Variants in TRIOBP observed in about 807,000 individuals in gnomAD.
The protein encoded by TRIOBP is TRIO and F-actin-binding protein.
TRIOBP carries 169 observed loss-of-function variants against 238.8 expected under a neutral mutation model. The observed-to-expected ratio is 0.71, with a 90% CI of 0.62 to 0.80. The LOEUF (loss-of-function observed/expected upper bound fraction) is 0.80. Ranked by LOEUF, TRIOBP falls within the 30% of genes least tolerant of loss-of-function variation. The pLI is 0.00. For missense variants in TRIOBP, 2,838 were observed against 3,122.6 expected (o/e 0.91, Z 2.17); for synonymous variants, 1,150 against 1,274.4 (o/e 0.90, Z 2.08).
chr22:37,746,017 TC>T (rs1444337955), intron 11 of TRIOBP, among the ~76,000 whole-genome samples: 2 of 78,180 alleles, frequency 2.6e-5, no homozygotes, highest in Middle Eastern at 5.6e-3. Flanking sequence ...GCCACCGCCC[TC>T]CCTTCCCTGC....
Position 37,724,986 on chromosome 22 carries a change from C to T in TRIOBP, c.2430C>T (p.Thr810=). Reference sequence around the variant, plus strand: ...GAGCCTCCTCTCCCATCAGAGCCACCCAACAGGACAACCCCAGAACTTGTA... The same window carrying T: ...GAGCCTCCTCTCCCATCAGAGCCACTCAACAGGACAACCCCAGAACTTGTA... ...NLRASSPIRA[T]QQDNPRTCIQ... The change falls in exon 7 of 24, where the codon ACC becomes ACT. Residue 810 remains threonine, a synonymous_variant. Coordinates refer to ENST00000644935, the MANE Select transcript of TRIOBP (RefSeq NM_001039141.3). 6.2e-7 allele frequency: 1 copy of T among 1,613,942 alleles called. No individual in the cohort carries two copies. The highest frequency in any genetic ancestry group is 8.5e-7 in the Non-Finnish European group (1 of 1,179,880).
intron 8 of TRIOBP, among the ~76,000 whole-genome samples, 197 bp downstream of exon 8, chr22:37,733,609 T>C (rs1924527596): frequency 6.6e-6 from 1 of 151,054 alleles, no homozygotes; most frequent in South Asian, 2.1e-4. Context: ...CCCACATTAA[T>C]CCTTTGAAGA....
chr22:37,746,499 C>A (rs956707908), intron 11 of TRIOBP: 1 of 1,213,942 alleles, frequency 8.2e-7, no homozygotes. Context: ...CCTCTCCCCT[C>A]CGGGGCAGCC....
At chr22:37,741,229 C>T (rs1010117997) in intron 11 of TRIOBP, among the ~76,000 whole-genome samples, 197 bp downstream of exon 11, 4 of 152,084 alleles carry the variant, frequency 2.6e-5, no homozygotes, top group African/African-American at 7.3e-5. Flanking sequence ...TTCCCACTTC[C>T]GGGGCAGGCT....
intron 10 of TRIOBP, among the ~76,000 whole-genome samples, chr22:37,739,417 C>T (rs974999143): frequency 8.5e-6 from 1 of 116,962 alleles, no homozygotes; most frequent in South Asian, 3.2e-4. Flanking sequence ...TGGCAGGGAG[C>T]GTCCATTGGG....
intron 11 of TRIOBP, among the ~76,000 whole-genome samples, chr22:37,746,623 C>T (rs1379611771): frequency 6.6e-6 from 1 of 152,252 alleles, no homozygotes; most frequent in African/African-American, 2.4e-5. Flanking sequence ...CTCGCCTTCC[C>T]TCGCCCACTC....
At chr22:37,735,801 G>A (rs743833) in intron 9 of TRIOBP, among the ~76,000 whole-genome samples, 63 of 152,344 alleles carry the variant, frequency 4.1e-4, no homozygotes, top group African/African-American at 1.5e-3. Context: ...GGTCTGCTCA[G>A]TGCAGACCAC....
At position 37,757,963 on chromosome 22, in the gene TRIOBP, C is replaced by T. The variant is rs1176172809; in HGVS notation, c.6038C>T (p.Pro2013Leu). The stretch of plus-strand genomic sequence containing the variant: ...GGGCCGCGCCGGGGCCTGGGTGCCC[C>T]CCTGACTGAGGACCAGCAAAACCGG... ...GEGPRRGLGA[P>L]LTEDQQNRLS... The change falls in exon 16 of 24, where the codon CCC becomes CTC. Residue 2013 changes from proline (P) to leucine (L), a missense_variant. Physicochemically the swap from Pro to Leu is moderately conservative, Grantham distance 98. Around this residue, in one of 5 missense-constraint regions of TRIOBP, gnomAD observed 2,096 missense variants for 2,137.4 expected, o/e 0.98. Coordinates refer to ENST00000644935, the MANE Select transcript of TRIOBP (RefSeq NM_001039141.3). The T allele has an allele frequency of 2.5e-6, 4 of 1,572,002 alleles. No individual in the cohort carries two copies. The highest frequency in any genetic ancestry group is 3.4e-6 in the Non-Finnish European group (4 of 1,159,492).
rs185771392 is a variant in TRIOBP at position 37,717,321 on chromosome 22, T to C, written c.628+1387T>C. Among the ~76,000 whole-genome samples, 33 of 152,280 alleles carry C rather than the reference T, an allele frequency of 2.2e-4. No homozygotes were observed. The South Asian group carries it at 2.3e-3, about 11-fold the overall frequency. On this transcript the variant is annotated intron_variant, in intron 6 of 23. Coordinates refer to ENST00000644935, the MANE Select transcript of TRIOBP (RefSeq NM_001039141.3). ...CCCAAAGAGTGAGCAGCAGCAAGAT[T>C]TATTGCAAAGAGCGAAAGAACAAAG...
chr22:37,757,951 G>A lies in TRIOBP; in HGVS notation c.6026G>A (p.Gly2009Asp), dbSNP rs1255182767. The A allele has an allele frequency of 7.0e-6, 11 of 1,565,136 alleles. No individual in the cohort carries two copies. The Middle Eastern group carries it at 6.8e-4, about 97-fold the overall frequency. Residue 2009 changes from glycine (G) to aspartate (D), a missense_variant, in exon 16 of 24, where the codon GGC becomes GAC. By Grantham distance (94) the Gly-to-Asp change is moderately conservative (BLOSUM62 -1). This residue lies in a region of TRIOBP where 2,096 missense variants were observed against 2,137.4 expected (regional missense o/e 0.98). Coordinates refer to ENST00000644935, the MANE Select transcript of TRIOBP (RefSeq NM_001039141.3). ...EVPAGEGPRR[G>D]LGAPLTEDQQ... ...CCTGCTGGTGAGGGGCCGCGCCGGG[G>A]CCTGGGTGCCCCCCTGACTGAGGAC...
chr22:37,712,122 G>A (rs1467534799), intron 4 of TRIOBP, among the ~76,000 whole-genome samples: 1 of 151,786 alleles, frequency 6.6e-6, no homozygotes, highest in African/African-American at 2.4e-5. Flanking sequence ...TTCCTATCTC[G>A]GTGACCTTGG....
intron 18 of TRIOBP, 145 bp downstream of exon 18, chr22:37,765,962 A>G: frequency 8.5e-7 from 1 of 1,179,798 alleles, no homozygotes; most frequent in Non-Finnish European, 1.2e-6. Flanking sequence ...AGGTGTTAGA[A>G]GCTCCAAGAA....
At chr22:37,719,549 G>A (rs739140) in intron 6 of TRIOBP, among the ~76,000 whole-genome samples, 122,196 of 152,048 alleles carry the variant, frequency 0.8, 51,404 homozygotes, top group East Asian at 1. Flanking sequence ...TTTACTTACT[G>A]CCCACAAGTC....
chr22:37,745,031 A>G (rs1356010429), intron 11 of TRIOBP, among the ~76,000 whole-genome samples: 1 of 151,754 alleles, frequency 6.6e-6, no homozygotes, highest in African/African-American at 2.4e-5. Flanking sequence ...CGCCCGGCTA[A>G]TTTTTGTATT....
rs139889819 is a variant in TRIOBP, at chr22:37,724,948, C to T, written c.2392C>T (p.Arg798Trp). ...CAACCCCAGAACATCCTGTGCCCAG[C>T]GGGACAATCTCAGAGCCTCCTCTCC... Reference protein sequence around the residue: ...RDNPRTSCAQRDNLRASSPIR... With the variant: ...RDNPRTSCAQWDNLRASSPIR... Residue 798 changes from arginine (R) to tryptophan (W), a missense_variant, in exon 7 of 24, where the codon CGG becomes TGG. Arg to Trp is a moderately radical substitution (Grantham distance 101). Coordinates refer to ENST00000644935, the MANE Select transcript of TRIOBP (RefSeq NM_001039141.3). 2,770 of 1,614,014 alleles carry T rather than the reference C, an allele frequency of 1.7e-3. 38 individuals are homozygous for T. In the African/African-American group the frequency reaches 0.033, roughly 19 times the overall value.
intron 11 of TRIOBP, among the ~76,000 whole-genome samples, chr22:37,742,983 C>T (rs1309802120): frequency 6.6e-6 from 1 of 152,180 alleles, no homozygotes; most frequent in Non-Finnish European, 1.5e-5. Context: ...GAGATTCAGA[C>T]CCTGCTCTGG....
chr22:37,755,807 G>C (rs1243808699), intron 15 of TRIOBP, 148 bp downstream of exon 15: 4 of 726,456 alleles, frequency 5.5e-6, no homozygotes, highest in African/African-American at 3.5e-5. Flanking sequence ...AGCATTCTCG[G>C]TATCATCCAG....
chr22:37,755,767 C>G, intron 15 of TRIOBP, 108 bp downstream of exon 15: 1 of 878,916 alleles, frequency 1.1e-6, no homozygotes, highest in Non-Finnish European at 1.9e-6. Context: ...GCCCTCGTTT[C>G]TCTGTCAACA....
rs200050890 is a variant in TRIOBP, at chr22:37,759,569, G to A, written c.6324+305G>A. The stretch of plus-strand genomic sequence containing the variant: ...CTGCAGAGCCTGTGTGTGAGTCCCC[G>A]TGTGACACTCTGCACTTGGACCCTT... On this transcript the variant is annotated intron_variant, in intron 17 of 23. Coordinates refer to ENST00000644935, the MANE Select transcript of TRIOBP (RefSeq NM_001039141.3). 5.3e-4 allele frequency: 839 copies of A among 1,593,954 alleles called. 2 individuals are homozygous for A. The East Asian group carries it at 6.2e-3, about 12-fold the overall frequency.
Sources: allele counts gnomAD v4.1 joint callset (sites outside exome capture counted in the v4.1 genomes callset), GRCh38; gene constraint gnomAD v4.1.1; regional missense constraint gnomAD v4.1.1; transcripts MANE v1.5; gene names NCBI Gene and HGNC (gene_info 2026-07-23, HGNC 2026-07-21).